STK24: variants seen among roughly 807,000 people sequenced by gnomAD.
STK24 encodes serine/threonine kinase 24.
STK24 carries 21 observed loss-of-function variants against 55.6 expected under a neutral mutation model. The ratio of observed to expected loss-of-function variants is 0.38; its 90% CI spans 0.27 to 0.54. The LOEUF (loss-of-function observed/expected upper bound fraction) is 0.54, where lower values mean the gene tolerates loss of function less well. Among genes scored for constraint, STK24 ranks in the 20% least tolerant of loss-of-function variants. The probability of loss-of-function intolerance (pLI) is 0.79; values close to 1 mark genes in which losing one functional copy is unlikely to be tolerated. For synonymous variants in STK24, 200 were observed against 215.2 expected, an observed-to-expected ratio of 0.93 and a Z score of 0.62; for missense variants, 383 against 538.4, an observed-to-expected ratio of 0.71 and a Z score of 2.86.
At chr13:98,556,152 C>T (rs1276587834) in intron 1 of STK24, among the ~76,000 whole-genome samples, 1 of 152,208 alleles carries the variant, frequency 6.6e-6, no homozygotes, top group Non-Finnish European at 1.5e-5. Context: ...TTGTCAGTCG[C>T]ATGGCCTGGA....
At chr13:98,480,501 T>C (rs1894541004) in intron 3 of STK24, among the ~76,000 whole-genome samples, 1 of 152,170 alleles carries the variant, frequency 6.6e-6, no homozygotes, top group Non-Finnish European at 1.5e-5. Context: ...GGAACCAAAA[T>C]AAGTTGTAAA....
chr13:98,559,614 C>T (rs1431458651), intron 1 of STK24, among the ~76,000 whole-genome samples: 6 of 152,196 alleles, frequency 3.9e-5, no homozygotes, highest in Non-Finnish European at 5.9e-5. Context: ...TCTACACTTA[C>T]GTACCATTTT....
intron 1 of STK24, among the ~76,000 whole-genome samples, chr13:98,546,691 G>C (rs753536422): frequency 6.6e-6 from 1 of 152,100 alleles, no homozygotes; most frequent in East Asian, 1.9e-4. Flanking sequence ...CCCCTATCAC[G>C]GAAAGTCAAA....
chr13:98,548,861 CAAA>C (rs55793722), intron 1 of STK24, among the ~76,000 whole-genome samples: 1,298 of 37,628 alleles, frequency 0.034, 6 homozygotes, highest in African/African-American at 0.11. Flanking sequence ...GACTCTGTCT[CAAA>C]AAAAAAAAAA....
At chr13:98,540,718 A>T (rs1245694548) in intron 1 of STK24, among the ~76,000 whole-genome samples, 1 of 150,500 alleles carries the variant, frequency 6.6e-6, no homozygotes, top group African/African-American at 2.5e-5. Context: ...ACAGGCCTCT[A>T]TAACAACTGT....
At chr13:98,568,320 A>T (rs953265950) in intron 1 of STK24, among the ~76,000 whole-genome samples, 4 of 152,000 alleles carry the variant, frequency 2.6e-5, no homozygotes, top group African/African-American at 9.7e-5. Flanking sequence ...CTTAACTCAC[A>T]GTGCTGGACC....
intron 1 of STK24, among the ~76,000 whole-genome samples, chr13:98,575,066 A>G (rs1897846218): frequency 6.6e-6 from 1 of 152,198 alleles, no homozygotes; most frequent in Admixed American, 6.5e-5. Context: ...AATATTGATA[A>G]AACTTTTTTT....
At chr13:98,506,180 A>G (rs1191792510) in intron 2 of STK24, among the ~76,000 whole-genome samples, 2 of 152,242 alleles carry the variant, frequency 1.3e-5, no homozygotes, top group African/African-American at 2.4e-5. Flanking sequence ...AGAAACGACT[A>G]GGAACTAACT....
At chr13:98,501,556 A>G (rs931985736) in intron 2 of STK24, among the ~76,000 whole-genome samples, 8 of 152,378 alleles carry the variant, frequency 5.3e-5, no homozygotes, top group Admixed American at 1.3e-4. Context: ...TACAAAAATT[A>G]GGTACATGAT....
Position 98,510,761 on chromosome 13 carries a change from G to C in STK24, c.273+8482C>G, listed in dbSNP as rs537353483. Among the ~76,000 whole-genome samples the C allele has an allele frequency of 2.0e-5, 3 of 152,340 alleles. No individual in the cohort carries two copies. The East Asian group carries it at 5.8e-4, about 29-fold the overall frequency. ...GACTCGGGAATCTGGGAAGAAATGG[G>C]AAGTGAATGATGATGGGTAGAGTAT... On this transcript the variant is annotated intron_variant, in intron 2 of 10. Coordinates refer to ENST00000539966, the MANE Select transcript of STK24 (RefSeq NM_001032296.4).
chr13:98,454,922 A>G (rs1365615255), intron 10 of STK24: 1 of 152,300 alleles, frequency 6.6e-6, no homozygotes, highest in African/African-American at 2.4e-5. Context: ...GGCTTCCCCC[A>G]TGCATCACTG....
At chr13:98,479,419 C>A (rs1894504440) in intron 3 of STK24, among the ~76,000 whole-genome samples, 1 of 152,130 alleles carries the variant, frequency 6.6e-6, no homozygotes, top group Non-Finnish European at 1.5e-5. Flanking sequence ...CCTGAAATCC[C>A]AAATTTGCAT....
At chr13:98,503,024 G>GTTTTTTTGTTTT (rs1895541421) in intron 2 of STK24, among the ~76,000 whole-genome samples, 1 of 107,084 alleles carries the variant, frequency 9.3e-6, no homozygotes, top group African/African-American at 4.0e-5. Context: ...CTTTCCATGT[G>GTTTTTTTGTTTT]TTTTTTTTTT....
At chr13:98,513,446 C>CACCCCCA (rs1482126244) in intron 2 of STK24, among the ~76,000 whole-genome samples, 1 of 152,208 alleles carries the variant, frequency 6.6e-6, no homozygotes, top group Non-Finnish European at 1.5e-5. Context: ...CCTCCACCCA[C>CACCCCCA]ACCCCCAAGT....
In STK24 at chr13:98,466,546, G is replaced by C. The variant is rs1893933202; in HGVS notation, c.613C>G (p.Leu205Val). ...GCAAGTTCAATAGCTGTTATGCCCAGGGACCAGATGTCTGCCTGCAACAAG... is the reference window on the plus strand; with the variant it reads ...GCAAGTTCAATAGCTGTTATGCCCACGGACCAGATGTCTGCCTGCAACAAG... ...AYDSKADIWSLGITAIELARG... is the reference protein window; with the variant it reads ...AYDSKADIWSVGITAIELARG... The change falls in exon 6 of 11, where the codon CTG becomes GTG. Residue 205 changes from leucine to valine, a missense_variant. Transcript: ENST00000539966. 6.2e-7 allele frequency: 1 copy of C among 1,613,672 alleles called. No individual in the cohort carries two copies. Among genetic ancestry groups the C allele is most frequent in the Non-Finnish European group, 8.5e-7 (1 of 1,179,880 alleles).
At chr13:98,480,605 T>A (rs1483125974) in intron 3 of STK24, among the ~76,000 whole-genome samples, 1 of 152,250 alleles carries the variant, frequency 6.6e-6, no homozygotes, top group Admixed American at 6.5e-5. Context: ...ACCATTTTTA[T>A]CAATTATTTT....
At chr13:98,483,543 G>A (rs1274786563) in intron 2 of STK24, among the ~76,000 whole-genome samples, 1 of 152,166 alleles carries the variant, frequency 6.6e-6, no homozygotes, top group Non-Finnish European at 1.5e-5. Flanking sequence ...CTCACCCTTT[G>A]AGAACACGCC....
intron 2 of STK24, among the ~76,000 whole-genome samples, chr13:98,515,130 C>T (rs774937669): frequency 4.0e-5 from 6 of 150,772 alleles, no homozygotes; most frequent in Non-Finnish European, 8.8e-5. Context: ...TTTGTAAGTG[C>T]TGAAGGGAAT....
chr13:98,446,386 TATC>T lies in STK24; in HGVS notation c.*6784_*6786del, dbSNP rs1273456359. The T allele has an allele frequency of 6.7e-6, 4 of 600,980 alleles. No individual in the cohort carries two copies. Among genetic ancestry groups the T allele is most frequent in the Admixed American group, 3.0e-5 (1 of 33,552 alleles). 37.2% of individuals were successfully genotyped at this position (600,980 alleles called of 1,614,324 possible). A position where few individuals can be genotyped will look rare whatever the true frequency, so the allele number is the denominator to read the frequency against. On this transcript the variant is annotated 3_prime_UTR_variant, in exon 11 of 11. Transcript: ENST00000539966. ...CCTCAACTCTAGGGAAGACTGACAT[TATC>T]ATCCACTGAAGGACAACTTCTGCCC...
Sources: allele counts gnomAD v4.1 joint callset (sites outside exome capture counted in the v4.1 genomes callset), GRCh38; gene constraint gnomAD v4.1.1; transcripts MANE v1.5; gene names NCBI Gene and HGNC (gene_info 2026-07-23, HGNC 2026-07-21).